FAM120B: variants seen among roughly 807,000 people sequenced by gnomAD.
FAM120B encodes constitutive coactivator of peroxisome proliferator-activated receptor gamma.
FAM120B carries 83 observed loss-of-function variants against 96.3 expected under a neutral mutation model. That is an observed-to-expected ratio of 0.86 (90% CI 0.72 to 1.03). The LOEUF is 1.03. Among genes scored for constraint, FAM120B ranks in the 50% least tolerant of loss-of-function variants. FAM120B has a pLI of 0.00. For synonymous variants in FAM120B, 407 were observed against 402.7 expected (o/e 1.01, Z -0.13); for missense variants, 1,027 against 1,121.2 (o/e 0.92, Z 1.20).
chr6:170,324,393 TAAAG>T (rs557597651), intron 3 of FAM120B, among the ~76,000 whole-genome samples: 248 of 152,276 alleles, frequency 1.6e-3, no homozygotes, highest in African/African-American at 5.6e-3. Flanking sequence ...AAAACAGAAA[TAAAG>T]AACCTGTGTA....
intron 1 of FAM120B, among the ~76,000 whole-genome samples, chr6:170,317,016 A>G (rs186887297): frequency 1.4e-4 from 22 of 152,338 alleles, no homozygotes; most frequent in African/African-American, 4.6e-4. Context: ...ATTTTTAACA[A>G]TAACTTCTGT....
At chr6:170,374,121 T>G (rs953124458) in intron 6 of FAM120B, among the ~76,000 whole-genome samples, 1 of 152,218 alleles carries the variant, frequency 6.6e-6, no homozygotes, top group Non-Finnish European at 1.5e-5. Context: ...GCATCTTGGG[T>G]TAAACTTCCC....
At position 170,295,579 on chromosome 6, in the gene FAM120B, A is replaced by G. The variant is rs1441712422; in HGVS notation, c.48+126A>G. ...AGGTGGGCGACGGTGGGGGCACAAG[A>G]ACAGCAGCCGGGGGCGAAGGAATCA... On this transcript the variant is annotated intron_variant, in intron 1 of 10. Transcript: ENST00000537664. This position sits in a 1 kb window ranked among gnomAD's most constrained non-coding sequence, Gnocchi z 7.8. 1.8e-6 allele frequency: 1 copy of G among 557,460 alleles called. No individual in the cohort carries two copies. The highest frequency in any genetic ancestry group is 3.1e-6 in the Non-Finnish European group (1 of 319,896). 34.5% of individuals were successfully genotyped at this position (557,460 alleles called of 1,614,324 possible). A position where few individuals can be genotyped will look rare whatever the true frequency, so the allele number is the denominator to read the frequency against.
At chr6:170,306,650 C>T (rs1784299376), upstream of FAM120B, 1 of 152,266 alleles carries the variant, frequency 6.6e-6, no homozygotes, top group African/African-American at 2.4e-5. Flanking sequence ...TCTCTCCCCG[C>T]CCAACCCACG....
intron 1 of FAM120B, among the ~76,000 whole-genome samples, chr6:170,298,853 G>A (rs1454004692): frequency 1.3e-5 from 2 of 152,194 alleles, no homozygotes; most frequent in African/African-American, 4.8e-5. Context: ...CTAGAGCTCA[G>A]GCATCTGGGC....
intron 8 of FAM120B, 101 bp from the exon 9 acceptor site, chr6:170,395,386 A>C: frequency 1.1e-6 from 1 of 894,160 alleles, no homozygotes; most frequent in Non-Finnish European, 1.8e-6. Context: ...AAGTACGGGG[A>C]TACTGCTGAC....
chr6:170,298,288 G>A (rs1784066315), intron 1 of FAM120B: 1 of 151,876 alleles, frequency 6.6e-6, no homozygotes, highest in Admixed American at 6.6e-5. Flanking sequence ...AGTATCAGAG[G>A]GGAAAAAAAA....
At chr6:170,307,070 C>T (rs1041620819) in intron 1 of FAM120B, among the ~76,000 whole-genome samples, 3 of 152,254 alleles carry the variant, frequency 2.0e-5, no homozygotes, top group Non-Finnish European at 4.4e-5. Context: ...GCAGAACCCT[C>T]CTGCCGAGCC....
chr6:170,293,376 A>G (rs1396046370), upstream of FAM120B, among the ~76,000 whole-genome samples: 1 of 152,156 alleles, frequency 6.6e-6, no homozygotes, highest in Non-Finnish European at 1.5e-5. Flanking sequence ...TGTTTAGAAA[A>G]CTGGAAATAA....
chr6:170,297,276 G>A (rs1251608847), intron 1 of FAM120B, among the ~76,000 whole-genome samples: 2 of 152,188 alleles, frequency 1.3e-5, no homozygotes, highest in Non-Finnish European at 2.9e-5. Flanking sequence ...GTCCCGGAGA[G>A]CGCGGCCGTG....
At chr6:170,393,303 T>C (rs1313239913) in intron 8 of FAM120B, among the ~76,000 whole-genome samples, 1 of 152,190 alleles carries the variant, frequency 6.6e-6, no homozygotes, top group African/African-American at 2.4e-5. Flanking sequence ...GTGGCGGTTG[T>C]CAGGCCAAAC....
chr6:170,341,863 G>C (rs1786861794), intron 4 of FAM120B, among the ~76,000 whole-genome samples: 1 of 152,214 alleles, frequency 6.6e-6, no homozygotes, highest in Non-Finnish European at 1.5e-5. Context: ...TGGAAATGCA[G>C]AAATCACCAG....
At chr6:170,398,826 G>T (rs28556751) in intron 9 of FAM120B, among the ~76,000 whole-genome samples, 1 of 149,884 alleles carries the variant, frequency 6.7e-6, no homozygotes, top group Admixed American at 6.6e-5. Context: ...AGTGAGTGGG[G>T]AAGGTAGAAC....
chr6:170,348,727 T>C (rs1293804572), intron 5 of FAM120B, among the ~76,000 whole-genome samples: 4 of 152,224 alleles, frequency 2.6e-5, no homozygotes, highest in African/African-American at 9.6e-5. Context: ...TTCTCGTAGC[T>C]CTTTGCCTCT....
chr6:170,352,582 T>A (rs1787650172), intron 5 of FAM120B, among the ~76,000 whole-genome samples: 1 of 152,186 alleles, frequency 6.6e-6, no homozygotes, highest in Non-Finnish European at 1.5e-5. Flanking sequence ...AACAGTCTCT[T>A]AGACCACAGA....
chr6:170,316,187 G>C (rs1214276453), intron 1 of FAM120B, among the ~76,000 whole-genome samples: 2 of 151,964 alleles, frequency 1.3e-5, no homozygotes, highest in African/African-American at 4.8e-5. Context: ...TACGTGTCAG[G>C]GTCGTCCTAA....
chr6:170,359,776 C>A (rs1448493275), intron 6 of FAM120B, among the ~76,000 whole-genome samples: 1 of 152,188 alleles, frequency 6.6e-6, no homozygotes, highest in Middle Eastern at 3.2e-3. Flanking sequence ...TAAACTAATT[C>A]TCATAGCATA....
At chr6:170,330,680 G>T in intron 4 of FAM120B, 130 bp downstream of exon 4, 1 of 700,018 alleles carries the variant, frequency 1.4e-6, no homozygotes, top group Admixed American at 2.7e-5. Flanking sequence ...TAAACCCTTG[G>T]CTCATGATTA....
chr6:170,325,373 A>G (rs1360648083), intron 3 of FAM120B, among the ~76,000 whole-genome samples: 1 of 152,164 alleles, frequency 6.6e-6, no homozygotes, highest in Non-Finnish European at 1.5e-5. Flanking sequence ...TGGAATGTTC[A>G]GACTGAACGT....
Sources: allele counts gnomAD v4.1 joint callset (sites outside exome capture counted in the v4.1 genomes callset), GRCh38; gene constraint gnomAD v4.1.1; non-coding constraint Gnocchi (gnomAD v3.1); transcripts MANE v1.5; gene names NCBI Gene and HGNC (gene_info 2026-07-23, HGNC 2026-07-21).